ACCSL: variants seen among roughly 807,000 people sequenced by gnomAD.
ACCSL encodes 1-aminocyclopropane-1-carboxylate synthase homolog (inactive) like, also known as probable inactive 1-aminocyclopropane-1-carboxylate synthase-like protein 2.
ACCSL carries 55 observed loss-of-function variants against 61.7 expected under a neutral mutation model. That is an observed-to-expected ratio of 0.89 (90% CI 0.72 to 1.12). The LOEUF (loss-of-function observed/expected upper bound fraction) is 1.12. Among genes scored for constraint, ACCSL ranks in the 50% most tolerant of loss-of-function variants. The pLI, the probability that ACCSL is intolerant of heterozygous loss-of-function variation, is 0.00. For synonymous variants in ACCSL, 258 were observed against 264.3 expected (o/e 0.98, Z 0.23); for missense variants, 632 against 698.0 (o/e 0.91, Z 1.07).
chr11:43,990,246 A>G, the ACCSL span, among the ~76,000 whole-genome samples: 1 of 152,238 alleles, frequency 6.6e-6, no homozygotes, highest in South Asian at 2.1e-4. Context: ...TTGCCTGGCT[A>G]TCTTAGTCCG....
At chr11:44,038,952 A>G in the ACCSL span, among the ~76,000 whole-genome samples, 1 of 152,212 alleles carries the variant, frequency 6.6e-6, no homozygotes, top group Non-Finnish European at 1.5e-5. Flanking sequence ...GATCTTGAGC[A>G]CAGGAAATAG....
upstream of ACCSL, among the ~76,000 whole-genome samples, chr11:44,045,052 T>C (rs1480366431): frequency 6.6e-6 from 1 of 152,188 alleles, no homozygotes; most frequent in East Asian, 1.9e-4. Flanking sequence ...TCATTTACAA[T>C]AGACTTTTCC....
At chr11:43,925,660 C>T in the ACCSL span, among the ~76,000 whole-genome samples, 5 of 152,086 alleles carry the variant, frequency 3.3e-5, no homozygotes, top group Admixed American at 6.5e-5. Flanking sequence ...CACCCCTACC[C>T]TAGCCTCCAC....
At chr11:44,034,238 C>T in the ACCSL span, among the ~76,000 whole-genome samples, 3 of 152,172 alleles carry the variant, frequency 2.0e-5, no homozygotes, top group African/African-American at 7.2e-5. Flanking sequence ...AGTGTGTAGC[C>T]CATAGCTCAC....
rs747521851 is a variant in ACCSL at position 44,051,641 on chromosome 11, T to C, written c.706-12T>C. On this transcript the variant is annotated splice_polypyrimidine_tract_variant and intron_variant, in intron 4 of 13. Coordinates refer to ENST00000378832, the MANE Select transcript of ACCSL (RefSeq NM_001031854.2). ...TTGGTTTTGACTTCTGCCTCTCATG[T>C]GTTGTCTTCAGGTGGTGGTTCTAAA... 6.2e-7 allele frequency: 1 copy of C among 1,614,164 alleles called. No individual in the cohort carries two copies. Among genetic ancestry groups the C allele is most frequent in the Admixed American group, 1.7e-5 (1 of 60,026 alleles).
the ACCSL span, among the ~76,000 whole-genome samples, chr11:44,035,740 CT>C: frequency 1.3e-5 from 2 of 151,948 alleles, no homozygotes; most frequent in African/African-American, 4.8e-5. Context: ...GAGTTTGAGA[CT>C]AGCCTGGCCA....
At chr11:44,008,115 A>T in the ACCSL span, among the ~76,000 whole-genome samples, 4 of 152,090 alleles carry the variant, frequency 2.6e-5, no homozygotes, top group African/African-American at 9.7e-5. Flanking sequence ...GGACATGCCA[A>T]TACTTCAGTG....
the ACCSL span, among the ~76,000 whole-genome samples, chr11:43,984,120 G>GA: frequency 0.011 from 1,592 of 146,116 alleles, 28 homozygotes; most frequent in African/African-American, 0.037. Context: ...CCATATAAAA[G>GA]AAAAAAAAAA....
At chr11:43,984,293 GA>G in the ACCSL span, among the ~76,000 whole-genome samples, 2 of 151,048 alleles carry the variant, frequency 1.3e-5, no homozygotes, top group Admixed American at 6.6e-5. Context: ...TAGGTTGTAA[GA>G]AAAAAAAATG....
chr11:43,941,448 A>C, the ACCSL span, among the ~76,000 whole-genome samples: 1 of 152,182 alleles, frequency 6.6e-6, no homozygotes, highest in South Asian at 2.1e-4. Context: ...GCCAAATCCC[A>C]CTGACCCCCT....
chr11:43,938,908 T>C, the ACCSL span, among the ~76,000 whole-genome samples: 1 of 152,176 alleles, frequency 6.6e-6, no homozygotes, highest in Non-Finnish European at 1.5e-5. Context: ...ACAGGGGCGA[T>C]TTCTTTGTTT....
chr11:43,939,341 A>T, the ACCSL span, among the ~76,000 whole-genome samples: 1 of 152,220 alleles, frequency 6.6e-6, no homozygotes, highest in African/African-American at 2.4e-5. Context: ...GGGGTTTTAT[A>T]CATGGCAGTT....
chr11:44,021,685 CTT>C, the ACCSL span, among the ~76,000 whole-genome samples: 1 of 152,262 alleles, frequency 6.6e-6, no homozygotes, highest in East Asian at 1.9e-4. Context: ...GTCATGAACT[CTT>C]TGCCTAAGTC....
chr11:44,011,437 C>G, the ACCSL span, among the ~76,000 whole-genome samples: 1 of 152,178 alleles, frequency 6.6e-6, no homozygotes, highest in Non-Finnish European at 1.5e-5. Context: ...GTCCCCTGCA[C>G]TTAGCACAAA....
the ACCSL span, among the ~76,000 whole-genome samples, chr11:44,034,053 C>T: frequency 6.6e-6 from 1 of 152,162 alleles, no homozygotes; most frequent in African/African-American, 2.4e-5. Flanking sequence ...TGTCATTGTG[C>T]AGCCATTTCA....
At chr11:43,950,884 A>G in the ACCSL span, among the ~76,000 whole-genome samples, 1 of 152,238 alleles carries the variant, frequency 6.6e-6, no homozygotes, top group African/African-American at 2.4e-5. Context: ...CCCTACCACA[A>G]ATAAGCAGAA....
chr11:43,929,337 A>T, the ACCSL span, among the ~76,000 whole-genome samples: 1 of 152,214 alleles, frequency 6.6e-6, no homozygotes, highest in Non-Finnish European at 1.5e-5. Context: ...CTCCTACCTC[A>T]GCCTCCTAAG....
chr11:43,987,695 T>TC, the ACCSL span, among the ~76,000 whole-genome samples: 342 of 152,178 alleles, frequency 2.2e-3, 2 homozygotes, highest in African/African-American at 7.2e-3. Context: ...AGTGACTGTT[T>TC]CTACCCGGTG....
chr11:44,052,670 C>A lies in ACCSL; in HGVS notation c.781C>A (p.Leu261Met). ...TCTCTCTGTGTTTCCAGAGGCCTTCCTGGTCCCTGCTCCCTTCTATGGTGG... is the reference window on the plus strand; with the variant it reads ...TCTCTCTGTGTTTCCAGAGGCCTTCATGGTCCCTGCTCCCTTCTATGGTGG... ...MVLCDPGEAF[L>M]VPAPFYGGFA... The change falls in exon 6 of 14, where the codon CTG becomes ATG. Residue 261 changes from leucine to methionine, a missense_variant. Transcript: ENST00000378832. The A allele has an allele frequency of 2.5e-6, 4 of 1,614,098 alleles. No homozygotes were observed. The highest frequency in any genetic ancestry group is 3.4e-6 in the Non-Finnish European group (4 of 1,179,982).
Sources: gnomAD v4.1 joint callset for allele counts (sites outside exome capture counted in the v4.1 genomes callset) on GRCh38, gnomAD v4.1.1 for gene constraint, MANE v1.5 for transcripts, NCBI Gene and HGNC (gene_info 2026-07-23, HGNC 2026-07-21) for gene names.